The following GPC3 variants were observed in gnomAD, a reference collection of about 807,000 sequenced individuals.
The protein encoded by GPC3 is glypican-3.
GPC3 carries 3 observed loss-of-function variants against 34.4 expected under a neutral mutation model. That is an observed-to-expected ratio of 0.09 (90% CI 0.04 to 0.23). GPC3 has a LOEUF of 0.23. Ranked by LOEUF, GPC3 falls within the 10% of genes least tolerant of loss-of-function variation. The pLI is 1.00. For missense variants in GPC3, 351 were observed against 445.6 expected, an observed-to-expected ratio of 0.79 and a Z score of 1.91; for synonymous variants, 177 against 174.0, an observed-to-expected ratio of 1.02 and a Z score of -0.13.
intron 2 of GPC3, among the ~76,000 whole-genome samples, chrX:133,849,383 C>G (rs1418801614): frequency 2.7e-5 from 3 of 111,318 alleles, no homozygotes; most frequent in African/African-American, 9.8e-5. Flanking sequence ...CTGATCGATT[C>G]TAGTAAGAAC....
At chrX:133,555,798 A>G (rs2069482587) in intron 7 of GPC3, among the ~76,000 whole-genome samples, 1 of 108,499 alleles carries the variant, frequency 9.2e-6, no homozygotes, top group Non-Finnish European at 1.9e-5. Context: ...ACTGCACTCC[A>G]GCCTGGGTGA....
At chrX:133,784,316 C>T (rs530761026) in intron 2 of GPC3, among the ~76,000 whole-genome samples, 1 of 111,817 alleles carries the variant, frequency 8.9e-6, no homozygotes, top group Admixed American at 9.5e-5. Flanking sequence ...TACACTTTAA[C>T]TATTCACATT....
chrX:133,962,609 T>A (rs1044299939), intron 1 of GPC3, among the ~76,000 whole-genome samples: 1 of 112,214 alleles, frequency 8.9e-6, no homozygotes, highest in Non-Finnish European at 1.9e-5. Context: ...GGAGTTGGGA[T>A]GCAGAATCTT....
chrX:133,979,846 A>C (rs987326263), intron 1 of GPC3, among the ~76,000 whole-genome samples: 6 of 111,856 alleles, frequency 5.4e-5, no homozygotes, highest in Non-Finnish European at 7.5e-5. Context: ...TTTTCTGCCC[A>C]CACTGTCCCT....
At chrX:133,887,092 G>A (rs1185805429) in intron 2 of GPC3, among the ~76,000 whole-genome samples, 1 of 111,830 alleles carries the variant, frequency 8.9e-6, no homozygotes, top group South Asian at 3.7e-4. Context: ...CTGTAGCCTC[G>A]ACCTCCCAGG....
chrX:133,552,438 A>C (rs2069443472), intron 7 of GPC3, among the ~76,000 whole-genome samples: 1 of 111,910 alleles, frequency 8.9e-6, no homozygotes, highest in South Asian at 3.8e-4. Flanking sequence ...TCAGTCAAGG[A>C]GTTATTGACC....
chrX:133,569,695 T>C (rs1490391357), intron 7 of GPC3, among the ~76,000 whole-genome samples: 1 of 112,195 alleles, frequency 8.9e-6, no homozygotes, highest in East Asian at 2.8e-4. Context: ...CGTTGGTATC[T>C]ATTTTACAGT....
At chrX:133,777,387 A>T (rs1209585361) in intron 2 of GPC3, among the ~76,000 whole-genome samples, 1 of 110,537 alleles carries the variant, frequency 9.0e-6, no homozygotes, top group Non-Finnish European at 1.9e-5. Context: ...TTATGACTTC[A>T]TGGTGCCCAC....
chrX:133,632,526 T>A (rs1435254791), intron 6 of GPC3, among the ~76,000 whole-genome samples: 1 of 111,874 alleles, frequency 8.9e-6, no homozygotes, highest in African/African-American at 3.2e-5. Flanking sequence ...CCAATGAACA[T>A]ATGTAATTTT....
chrX:133,828,345 T>C (rs969471380), intron 2 of GPC3, among the ~76,000 whole-genome samples: 3 of 110,600 alleles, frequency 2.7e-5, no homozygotes, highest in Non-Finnish European at 5.7e-5. Context: ...TTAGTAGAGA[T>C]GGGGTTTCAC....
intron 7 of GPC3, among the ~76,000 whole-genome samples, chrX:133,573,392 C>T (rs5977892): frequency 8.1e-5 from 9 of 111,523 alleles, no homozygotes; most frequent in Non-Finnish European, 1.7e-4. Flanking sequence ...CAACATGGTA[C>T]TGAAGGTTCT....
chrX:133,850,214 G>GGGTTTTTTTTTTTTTTTTTTTTTTTTTTT (rs2075867383), intron 2 of GPC3, among the ~76,000 whole-genome samples: 1 of 30,217 alleles, frequency 3.3e-5, no homozygotes, highest in Non-Finnish European at 6.7e-5. Flanking sequence ...TTTTTTTTTT[G>GGGTTTTTTTTTTTTTTTTTTTTTTTTTTT]GTAAATAAAG....
At chrX:133,891,810 A>T (rs1176112543) in intron 2 of GPC3, among the ~76,000 whole-genome samples, 2 of 107,848 alleles carry the variant, frequency 1.9e-5, no homozygotes, top group African/African-American at 6.7e-5. Flanking sequence ...AAAAAAAAAA[A>T]AAAAAAAATT....
intron 2 of GPC3, among the ~76,000 whole-genome samples, chrX:133,883,224 C>T (rs1437999291): frequency 3.6e-5 from 4 of 111,524 alleles, no homozygotes; most frequent in African/African-American, 1.3e-4. Flanking sequence ...CTTATAGATT[C>T]TGCTTCTATT....
intron 7 of GPC3, among the ~76,000 whole-genome samples, chrX:133,594,171 T>C (rs180861011): frequency 9.0e-5 from 10 of 111,611 alleles, no homozygotes; most frequent in Non-Finnish European, 1.5e-4. Context: ...TCGACAGGGA[T>C]TGGGGGCCTA....
Position 133,906,944 on chromosome X carries a change from C to CA in GPC3, c.337+46105dup, listed in dbSNP as rs1366271385. The stretch of plus-strand genomic sequence containing the variant: ...TGAAACCCCATCTCTACTAAAAATA[C>CA]AAAAAAATTAGCTGGGCGTGGTGGC... On this transcript the variant is annotated intron_variant, in intron 2 of 7. Coordinates refer to ENST00000370818, the MANE Select transcript of GPC3 (RefSeq NM_004484.4). Among the ~76,000 whole-genome samples the CA allele has an allele frequency of 1.0e-4, 11 of 109,847 alleles. No homozygotes were observed. The South Asian group carries it at 2.0e-3, about 20-fold the overall frequency.
At chrX:133,738,003 G>A (rs1569423269) in intron 3 of GPC3, among the ~76,000 whole-genome samples, 2 of 111,390 alleles carry the variant, frequency 1.8e-5, no homozygotes, top group Non-Finnish European at 3.8e-5. Flanking sequence ...TCACTCTGTT[G>A]CCCAGGCTGG....
intron 2 of GPC3, among the ~76,000 whole-genome samples, chrX:133,778,760 A>G (rs2072014663): frequency 9.0e-6 from 1 of 111,612 alleles, no homozygotes; most frequent in African/African-American, 3.3e-5. Context: ...CTTGGTTTGA[A>G]TATAATAACA....
chrX:133,904,289 A>G (rs1477389931), intron 2 of GPC3, among the ~76,000 whole-genome samples: 1 of 111,721 alleles, frequency 9.0e-6, no homozygotes, highest in Non-Finnish European at 1.9e-5. Context: ...GTGTGACAAC[A>G]AAGTGGGTCA....
Sources: allele counts gnomAD v4.1 joint callset (sites outside exome capture counted in the v4.1 genomes callset), GRCh38; gene constraint gnomAD v4.1.1; transcripts MANE v1.5; gene names NCBI Gene and HGNC (gene_info 2026-07-23, HGNC 2026-07-21).